RFTN1: variants seen among roughly 807,000 people sequenced by gnomAD.
RFTN1 encodes the protein raftlin.
In RFTN1, 26 loss-of-function variants were observed where a neutral mutation model predicts 46.5. That is an observed-to-expected ratio of 0.56 (90% CI 0.41 to 0.78). The LOEUF is 0.78. Among genes scored for constraint, RFTN1 ranks in the 30% least tolerant of loss-of-function variants. RFTN1 has a pLI of 0.00. For missense variants in RFTN1, 693 were observed against 718.7 expected, an observed-to-expected ratio of 0.96 and a Z score of 0.41; for synonymous variants, 261 against 284.2, an observed-to-expected ratio of 0.92 and a Z score of 0.82.
intron 6 of RFTN1, among the ~76,000 whole-genome samples, chr3:16,360,142 T>G (rs1332464905): frequency 6.6e-6 from 1 of 152,034 alleles, no homozygotes; most frequent in Non-Finnish European, 1.5e-5. Flanking sequence ...TATCTTTCCA[T>G]GGCCAGTAAA....
intron 3 of RFTN1, among the ~76,000 whole-genome samples, chr3:16,430,952 T>TATAATG (rs1294539231): frequency 6.6e-6 from 1 of 152,224 alleles, no homozygotes; most frequent in Non-Finnish European, 1.5e-5. Flanking sequence ...GCCCCCAGCT[T>TATAATG]CACTGCTGGC....
chr3:16,372,744 G>A (rs1046808327), intron 5 of RFTN1, among the ~76,000 whole-genome samples: 1 of 152,246 alleles, frequency 6.6e-6, no homozygotes, highest in Non-Finnish European at 1.5e-5. Flanking sequence ...AGCGGAGGAA[G>A]ACAGAGACCC....
rs10610054 is a variant in RFTN1, at chr3:16,418,677, ATT to A, written c.333-9196_333-9195del. Among the ~76,000 whole-genome samples the A allele has an allele frequency of 3.8e-3, 570 of 149,134 alleles. 1 individual carries two copies. Among genetic ancestry groups the A allele is most frequent in the African/African-American group, 7.3e-3 (298 of 40,748 alleles). On this transcript the variant is annotated intron_variant, in intron 3 of 9. Coordinates refer to ENST00000334133, the MANE Select transcript of RFTN1 (RefSeq NM_015150.2). This position sits in a 1 kb window ranked among gnomAD's most constrained non-coding sequence, Gnocchi z 5.0. ...TCAAATAGAATAATCAGAACAGCTT[ATT>A]TTTTTTTTTTTAAAGAAGTATTAGG...
chr3:16,378,425 CAAAG>C (rs2073866128), intron 4 of RFTN1, among the ~76,000 whole-genome samples: 1 of 152,160 alleles, frequency 6.6e-6, no homozygotes. Context: ...AAGTTCTAAA[CAAAG>C]AGTTTGAAGG....
intron 6 of RFTN1, among the ~76,000 whole-genome samples, chr3:16,364,656 C>T (rs1343067262): frequency 1.3e-5 from 2 of 151,722 alleles, no homozygotes; most frequent in Middle Eastern, 6.8e-3. Context: ...CTATATGGGG[C>T]AAAATAAATA....
Position 16,442,618 on chromosome 3 carries a change from A to G in RFTN1, c.146-8581T>C, listed in dbSNP as rs1420598625. Among the ~76,000 whole-genome samples the G allele has an allele frequency of 6.6e-6, 1 of 152,156 alleles. No homozygotes were observed. Among genetic ancestry groups the G allele is most frequent in the Admixed American group, 6.6e-5 (1 of 15,266 alleles). Reference sequence around the variant, plus strand: ...AGTACCTAAAATCTATTCCCTGAGCAGATCTCCAGTACGCGATGTTATTAG... The same window carrying G: ...AGTACCTAAAATCTATTCCCTGAGCGGATCTCCAGTACGCGATGTTATTAG... On this transcript the variant is annotated intron_variant, in intron 2 of 9. Coordinates refer to ENST00000334133, the MANE Select transcript of RFTN1 (RefSeq NM_015150.2). This position sits in a 1 kb window ranked among gnomAD's most constrained non-coding sequence, Gnocchi z 4.1.
chr3:16,456,698 T>G (rs77938418), intron 2 of RFTN1, among the ~76,000 whole-genome samples: 1 of 152,334 alleles, frequency 6.6e-6, no homozygotes, highest in South Asian at 2.1e-4. Flanking sequence ...ATTTTAAAAA[T>G]AAGAATATCC....
In RFTN1 at chr3:16,489,466, A is replaced by G. The variant is rs939611551; in HGVS notation, c.145+4259T>C. On this transcript the variant is annotated intron_variant, in intron 2 of 9. Transcript: ENST00000334133. The surrounding 1 kb of genome is among the most constrained non-coding windows in gnomAD (Gnocchi z 4.0). Reference sequence around the variant, plus strand: ...GAGATTAGTGGTTGTCTGGGGTTGGAGGGATAACAAAGGGGCATGAGGAAA... The same window carrying G: ...GAGATTAGTGGTTGTCTGGGGTTGGGGGGATAACAAAGGGGCATGAGGAAA... 6.6e-6 allele frequency among the ~76,000 whole-genome samples: 1 copy of G among 152,108 alleles called. No homozygotes were observed. Among genetic ancestry groups the G allele is most frequent in the Non-Finnish European group, 1.5e-5 (1 of 68,012 alleles).
chr3:16,362,420 T>A (rs1168687321), intron 6 of RFTN1, among the ~76,000 whole-genome samples: 1 of 152,138 alleles, frequency 6.6e-6, no homozygotes, highest in East Asian at 1.9e-4. Context: ...CTAAATCACA[T>A]CACAAGTATT....
At chr3:16,417,597 T>C (rs901004932) in intron 3 of RFTN1, among the ~76,000 whole-genome samples, 1 of 152,022 alleles carries the variant, frequency 6.6e-6, no homozygotes. Flanking sequence ...AACTCAGAGA[T>C]GTACCTGGAG....
intron 4 of RFTN1, among the ~76,000 whole-genome samples, chr3:16,408,800 G>C (rs1226892431): frequency 6.7e-6 from 1 of 149,882 alleles, no homozygotes; most frequent in African/African-American, 2.4e-5. Flanking sequence ...GAGAGAACAA[G>C]ATAAGCATCA....
At chr3:16,478,184 G>A (rs2076313642) in intron 2 of RFTN1, among the ~76,000 whole-genome samples, 1 of 152,158 alleles carries the variant, frequency 6.6e-6, no homozygotes, top group Non-Finnish European at 1.5e-5. Context: ...GAGTTTAAGT[G>A]ACTTGAGAGT....
chr3:16,353,131 A>G lies in RFTN1; in HGVS notation c.1146+4801T>C, dbSNP rs899195449. ...AGGGACGTTTTGTGGTCGGAGAGCT[A>G]GAGATTATAGGCCTGCCTGGGAGGA... On this transcript the variant is annotated intron_variant, in intron 7 of 9. Coordinates refer to ENST00000334133, the MANE Select transcript of RFTN1 (RefSeq NM_015150.2). This position sits in a 1 kb window ranked among gnomAD's most constrained non-coding sequence, Gnocchi z 5.4. Among the ~76,000 whole-genome samples the G allele has an allele frequency of 6.6e-6, 1 of 152,210 alleles. No individual in the cohort carries two copies. Among genetic ancestry groups the G allele is most frequent in the Admixed American group, 6.5e-5 (1 of 15,272 alleles).
chr3:16,501,378 G>A (rs1039089813), intron 1 of RFTN1, among the ~76,000 whole-genome samples: 3 of 152,150 alleles, frequency 2.0e-5, no homozygotes, highest in African/African-American at 7.2e-5. Flanking sequence ...CAGCTATAAC[G>A]TAGAAAAGGC....
In RFTN1 at chr3:16,374,061, C is replaced by T. The variant is rs2073641216; in HGVS notation, c.826+3657G>A. On this transcript the variant is annotated intron_variant, in intron 5 of 9. Transcript: ENST00000334133. This position sits in a 1 kb window ranked among gnomAD's most constrained non-coding sequence, Gnocchi z 5.4. ...GCGTGCACAACAATCCACAGGACTC[C>T]ACCTGCAAGCATGACAGCAGCCACA... Among the ~76,000 whole-genome samples the T allele has an allele frequency of 6.6e-6, 1 of 152,310 alleles. No homozygotes were observed. The highest frequency in any genetic ancestry group is 3.4e-3 in the Middle Eastern group (1 of 292).
chr3:16,375,096 C>T (rs2073705656), intron 5 of RFTN1, among the ~76,000 whole-genome samples: 1 of 152,088 alleles, frequency 6.6e-6, no homozygotes, highest in Admixed American at 6.6e-5. Flanking sequence ...CTGTGATTGC[C>T]TATTTAAGCC....
Position 16,336,357 on chromosome 3 carries a change from G to C in RFTN1, c.1147-9481C>G, listed in dbSNP as rs1167413198. On this transcript the variant is annotated intron_variant, in intron 7 of 9. Coordinates refer to ENST00000334133, the MANE Select transcript of RFTN1 (RefSeq NM_015150.2). This position sits in a 1 kb window ranked among gnomAD's most constrained non-coding sequence, Gnocchi z 6.0. The stretch of plus-strand genomic sequence containing the variant: ...AGAACAAGCACATGGTTCCCATCCA[G>C]TGGAGCCCATGGAGGTGAGGTGGAG... 6.6e-6 allele frequency among the ~76,000 whole-genome samples: 1 copy of C among 152,164 alleles called. No homozygotes were observed. Among genetic ancestry groups the C allele is most frequent in the Non-Finnish European group, 1.5e-5 (1 of 68,014 alleles).
rs551672 is a variant in RFTN1, at chr3:16,383,959, T to A, written c.442-5857A>T. On this transcript the variant is annotated intron_variant, in intron 4 of 9. Transcript: ENST00000334133. This position sits in a 1 kb window ranked among gnomAD's most constrained non-coding sequence, Gnocchi z 4.0. ...ATGGTGACCAATTGTTTGGTAAAAC[T>A]CTAGTCTAGATGTTGCTGTAAAGGT... 0.28 allele frequency among the ~76,000 whole-genome samples: 43,264 copies of A among 152,140 alleles called. 6,777 individuals are homozygous for A. The highest frequency in any genetic ancestry group is 0.58 in the South Asian group (2,804 of 4,824).
In RFTN1 at chr3:16,447,028, C is replaced by A. The variant is rs1196893227; in HGVS notation, c.146-12991G>T. Among the ~76,000 whole-genome samples, 6 of 152,148 alleles carry A rather than the reference C, an allele frequency of 3.9e-5. No individual in the cohort carries two copies. Among genetic ancestry groups the A allele is most frequent in the Non-Finnish European group, 7.3e-5 (5 of 68,028 alleles). On this transcript the variant is annotated intron_variant, in intron 2 of 9. Transcript: ENST00000334133. This position sits in a 1 kb window ranked among gnomAD's most constrained non-coding sequence, Gnocchi z 5.9. The stretch of plus-strand genomic sequence containing the variant: ...AATTCCACACTCTGGGGGCTTGGCA[C>A]AACTTCTATCCACAAAAGAAGACCA...
Sources: allele counts gnomAD v4.1 joint callset (sites outside exome capture counted in the v4.1 genomes callset), GRCh38; gene constraint gnomAD v4.1.1; non-coding constraint Gnocchi (gnomAD v3.1); transcripts MANE v1.5; gene names NCBI Gene and HGNC (gene_info 2026-07-23, HGNC 2026-07-21).